The following TECRL variants were observed in gnomAD, a reference collection of about 807,000 sequenced individuals.
TECRL encodes the protein trans-2,3-enoyl-CoA reductase like, also known as trans-2,3-enoyl-CoA reductase-like.
Under a neutral mutation model 52.8 loss-of-function variants are expected in TECRL, and 63 were observed. The observed-to-expected ratio is 1.19, with a 90% CI of 0.97 to 1.47. The LOEUF is 1.47. TECRL is among the 40% of genes most tolerant of loss of function. TECRL has a pLI of 0.00. For synonymous variants in TECRL, 164 were observed against 141.9 expected, an observed-to-expected ratio of 1.16 and a Z score of -1.10; for missense variants, 482 against 429.6, an observed-to-expected ratio of 1.12 and a Z score of -1.08.
rs898408401 is a variant in TECRL, at chr4:64,336,424, G to T, written c.287-7868C>A. On this transcript the variant is annotated intron_variant, in intron 2 of 11. Transcript: ENST00000381210. ...CTCTTCTTTATTAGTCTTGCTAGTG[G>T]TCTATCAATTTTGTTGATCTTTTCA... 3.3e-5 allele frequency among the ~76,000 whole-genome samples: 5 copies of T among 152,084 alleles called. 1 individual carries two copies. The South Asian group carries it at 8.3e-4, about 25-fold the overall frequency.
chr4:64,332,873 T>C (rs1021946679), intron 2 of TECRL, among the ~76,000 whole-genome samples: 4 of 152,136 alleles, frequency 2.6e-5, no homozygotes, highest in African/African-American at 4.8e-5. Context: ...ATCATTCTAA[T>C]ATATGTGAAA....
intron 1 of TECRL, among the ~76,000 whole-genome samples, chr4:64,405,785 G>A (rs1489049860): frequency 6.6e-6 from 1 of 152,016 alleles, no homozygotes; most frequent in Admixed American, 6.6e-5. Context: ...TCAGCAATAA[G>A]GAAAGGGAAA....
rs1719925197 is a variant in TECRL, at chr4:64,345,907, C to CAAAAAAAGAAAAAAAAAAAA, written c.287-17352_287-17351insTTTTTTTTTTTTCTTTTTTT. On this transcript the variant is annotated intron_variant, in intron 2 of 11. Transcript: ENST00000381210. The stretch of plus-strand genomic sequence containing the variant: ...CCAACACTGATGGGTGCCTCAACAG[C>CAAAAAAAGAAAAAAAAAAAA]AAAAAAAAAAAAAAAAAAAAAAAAC... Among the ~76,000 whole-genome samples the CAAAAAAAGAAAAAAAAAAAA allele has an allele frequency of 8.6e-5, 2 of 23,350 alleles. 1 individual carries two copies. Among genetic ancestry groups the CAAAAAAAGAAAAAAAAAAAA allele is most frequent in the Non-Finnish European group, 1.4e-4 (2 of 14,716 alleles). 15.3% of individuals were successfully genotyped at this position (23,350 alleles called of 152,430 possible).
intron 5 of TECRL, among the ~76,000 whole-genome samples, chr4:64,312,988 G>C (rs895134940): frequency 6.6e-6 from 1 of 152,064 alleles, no homozygotes; most frequent in African/African-American, 2.4e-5. Flanking sequence ...CGCCATAATT[G>C]TAAGTTTCTT....
intron 2 of TECRL, among the ~76,000 whole-genome samples, chr4:64,371,869 A>G (rs1721997524): frequency 6.6e-6 from 1 of 151,810 alleles, no homozygotes; most frequent in Admixed American, 6.6e-5. Flanking sequence ...ATGTTCTAAT[A>G]AAGTCATATT....
intron 1 of TECRL, among the ~76,000 whole-genome samples, chr4:64,395,156 G>A (rs1723845685): frequency 6.6e-6 from 1 of 151,906 alleles, no homozygotes; most frequent in African/African-American, 2.4e-5. Context: ...CTGGCCTCAG[G>A]TGATCCTCCT....
chr4:64,365,953 T>C (rs1474435538), intron 2 of TECRL, among the ~76,000 whole-genome samples: 1 of 151,984 alleles, frequency 6.6e-6, no homozygotes, highest in Admixed American at 6.6e-5. Flanking sequence ...CAAATAAAGC[T>C]GGAAGCATCA....
downstream of TECRL, chr4:64,277,148 A>T (rs935334743): frequency 2.4e-6 from 2 of 831,010 alleles, no homozygotes; most frequent in African/African-American, 1.7e-5. Flanking sequence ...GGAATAACTG[A>T]TACAAAAAAA....
intron 1 of TECRL, among the ~76,000 whole-genome samples, chr4:64,383,416 G>A (rs1234727045): frequency 6.6e-6 from 1 of 151,722 alleles, no homozygotes; most frequent in African/African-American, 2.4e-5. Context: ...GCTTTATGAT[G>A]CCCCATATGT....
chr4:64,312,979 G>C (rs553960960), intron 5 of TECRL, among the ~76,000 whole-genome samples: 5 of 152,144 alleles, frequency 3.3e-5, no homozygotes, highest in African/African-American at 1.2e-4. Flanking sequence ...AGTACCTTCC[G>C]CCATAATTGT....
At chr4:64,313,551 A>T (rs565584468) in intron 5 of TECRL, among the ~76,000 whole-genome samples, 4 of 131,608 alleles carry the variant, frequency 3.0e-5, no homozygotes, top group African/African-American at 1.2e-4. Flanking sequence ...GTGCGATCTC[A>T]GCTCACTGCA....
At chr4:64,294,245 G>C (rs1577816470) in intron 8 of TECRL, among the ~76,000 whole-genome samples, 1 of 151,804 alleles carries the variant, frequency 6.6e-6, no homozygotes, top group South Asian at 2.1e-4. Context: ...CCTCAGCCTC[G>C]CAAAGAGCTG....
chr4:64,326,405 A>G (rs1718262722), intron 3 of TECRL, among the ~76,000 whole-genome samples: 1 of 152,148 alleles, frequency 6.6e-6, no homozygotes, highest in Non-Finnish European at 1.5e-5. Flanking sequence ...TGCACACCAT[A>G]TACAGTATGA....
chr4:64,369,377 A>T (rs1721833114), intron 2 of TECRL, among the ~76,000 whole-genome samples: 1 of 152,130 alleles, frequency 6.6e-6, no homozygotes, highest in Non-Finnish European at 1.5e-5. Flanking sequence ...GACCTTAGAC[A>T]GGGATTTCAG....
chr4:64,378,831 C>T (rs747342364), intron 1 of TECRL, among the ~76,000 whole-genome samples: 4 of 151,648 alleles, frequency 2.6e-5, no homozygotes, highest in South Asian at 4.2e-4. Context: ...ATAAATTTTT[C>T]GCCTTTTAAA....
intron 1 of TECRL, among the ~76,000 whole-genome samples, chr4:64,379,117 A>T (rs1722601997): frequency 6.6e-6 from 1 of 152,090 alleles, no homozygotes; most frequent in Non-Finnish European, 1.5e-5. Context: ...TTTACCAAAG[A>T]AAGTTTTTAT....
intron 1 of TECRL, among the ~76,000 whole-genome samples, chr4:64,385,234 C>T (rs932786997): frequency 2.0e-5 from 3 of 152,144 alleles, no homozygotes; most frequent in African/African-American, 7.2e-5. Flanking sequence ...CCTTAAGCTC[C>T]TGAACAGCAT....
intron 8 of TECRL, among the ~76,000 whole-genome samples, chr4:64,296,399 T>G (rs1723683673): frequency 6.6e-6 from 1 of 151,892 alleles, no homozygotes; most frequent in South Asian, 2.1e-4. Flanking sequence ...CAAGACCATT[T>G]GCATTTTAGG....
chr4:64,352,225 A>T (rs1720447968), intron 2 of TECRL, among the ~76,000 whole-genome samples: 2 of 152,206 alleles, frequency 1.3e-5, no homozygotes, highest in South Asian at 4.1e-4. Flanking sequence ...TCAAAGTACA[A>T]TATTAGTGCA....
Sources: gnomAD v4.1 joint callset for allele counts (sites outside exome capture counted in the v4.1 genomes callset) on GRCh38, gnomAD v4.1.1 for gene constraint, MANE v1.5 for transcripts, NCBI Gene and HGNC (gene_info 2026-07-23, HGNC 2026-07-21) for gene names.